The following AGMO variants were observed in gnomAD, a reference collection of about 807,000 sequenced individuals.
The protein encoded by AGMO is alkylglycerol monooxygenase, also known as glyceryl-ether monooxygenase.
In AGMO, 75 loss-of-function variants were observed where a neutral mutation model predicts 60.2. The observed-to-expected ratio is 1.25, with a 90% confidence interval of 1.03 to 1.51. AGMO has a LOEUF of 1.51. Ranked by LOEUF, AGMO falls within the 40% of genes most tolerant of loss-of-function variation. AGMO has a pLI of 0.00. For synonymous variants in AGMO, 261 were observed against 177.1 expected, an observed-to-expected ratio of 1.47 and a Z score of -3.76; for missense variants, 763 against 525.5, an observed-to-expected ratio of 1.45 and a Z score of -4.42.
chr7:15,275,160 T>C (rs1783743120), intron 12 of AGMO, among the ~76,000 whole-genome samples: 1 of 152,156 alleles, frequency 6.6e-6, no homozygotes, highest in South Asian at 2.1e-4. Context: ...AAGATACTTC[T>C]ATCTTTTTAA....
chr7:15,288,487 C>T (rs567067643), intron 12 of AGMO, among the ~76,000 whole-genome samples: 19 of 151,114 alleles, frequency 1.3e-4, no homozygotes, highest in Non-Finnish European at 2.5e-4. Flanking sequence ...TTTTTGTTTC[C>T]CTTAAGTAGG....
the AGMO span, among the ~76,000 whole-genome samples, chr7:15,155,891 T>C: frequency 2.0e-5 from 3 of 152,190 alleles, no homozygotes; most frequent in Non-Finnish European, 2.9e-5. Context: ...TTCTGGATAC[T>C]TTCAGGCAGC....
the AGMO span, among the ~76,000 whole-genome samples, chr7:15,173,468 T>C: frequency 6.6e-6 from 1 of 152,260 alleles, no homozygotes; most frequent in African/African-American, 2.4e-5. Flanking sequence ...ATGAGCAAGA[T>C]CTAGCCCCTG....
intron 12 of AGMO, among the ~76,000 whole-genome samples, chr7:15,302,166 C>T (rs1328223580): frequency 1.3e-5 from 2 of 152,054 alleles, no homozygotes; most frequent in African/African-American, 4.8e-5. Flanking sequence ...TTAATTGGTA[C>T]TTATTAGATT....
At chr7:15,297,486 A>T (rs1033202315) in intron 12 of AGMO, among the ~76,000 whole-genome samples, 1 of 152,208 alleles carries the variant, frequency 6.6e-6, no homozygotes, top group East Asian at 1.9e-4. Flanking sequence ...GTGCTTGCCA[A>T]AACATGCAGA....
chr7:15,360,734 A>C (rs1010294085), intron 12 of AGMO, among the ~76,000 whole-genome samples: 1 of 152,080 alleles, frequency 6.6e-6, no homozygotes, highest in African/African-American at 2.4e-5. Context: ...ATATACATGG[A>C]CCTGTGCATT....
chr7:15,181,533 T>C, the AGMO span, among the ~76,000 whole-genome samples: 1 of 152,188 alleles, frequency 6.6e-6, no homozygotes, highest in Non-Finnish European at 1.5e-5. Context: ...TCCTATTCTA[T>C]TTTTGTTCTA....
At chr7:15,522,767 A>C (rs1784032567) in intron 3 of AGMO, among the ~76,000 whole-genome samples, 1 of 152,194 alleles carries the variant, frequency 6.6e-6, no homozygotes, top group Admixed American at 6.5e-5. Context: ...AGGCAATACC[A>C]TTCTGGACAT....
At chr7:15,194,263 G>A in the AGMO span, among the ~76,000 whole-genome samples, 3 of 152,000 alleles carry the variant, frequency 2.0e-5, 1 homozygote, top group South Asian at 4.1e-4. Flanking sequence ...GATGAAACTG[G>A]TATCTTTTAA....
intron 12 of AGMO, chr7:15,306,373 G>T: frequency 3.0e-6 from 1 of 334,452 alleles, no homozygotes; most frequent in Non-Finnish European, 6.0e-6. Flanking sequence ...AGACCCCTTG[G>T]GGCTTACAAA....
chr7:15,396,456 G>T (rs992362350), intron 5 of AGMO: 3 of 152,230 alleles, frequency 2.0e-5, no homozygotes, highest in African/African-American at 7.2e-5. Flanking sequence ...CACACCTTCC[G>T]GGTGAGCATT....
chr7:15,169,910 G>A, the AGMO span, among the ~76,000 whole-genome samples: 96 of 152,330 alleles, frequency 6.3e-4, no homozygotes, highest in African/African-American at 2.2e-3. Flanking sequence ...GATATGATTA[G>A]GCCTTACCTG....
intron 12 of AGMO, among the ~76,000 whole-genome samples, chr7:15,282,077 A>C (rs1265190360): frequency 6.6e-6 from 1 of 152,132 alleles, no homozygotes; most frequent in African/African-American, 2.4e-5. Context: ...AAAAACAATA[A>C]AATCAAAAAT....
chr7:15,370,430 G>A (rs971218913), intron 10 of AGMO, among the ~76,000 whole-genome samples: 2 of 152,176 alleles, frequency 1.3e-5, no homozygotes, highest in African/African-American at 2.4e-5. Flanking sequence ...GGACTGCTGT[G>A]TCAAATGGTA....
At chr7:15,166,928 G>A in the AGMO span, among the ~76,000 whole-genome samples, 1 of 152,152 alleles carries the variant, frequency 6.6e-6, no homozygotes, top group African/African-American at 2.4e-5. Flanking sequence ...TTTGAGAAAT[G>A]CTGAATTCAA....
At chr7:15,422,510 A>C (rs1182927984) in intron 4 of AGMO, among the ~76,000 whole-genome samples, 1 of 152,176 alleles carries the variant, frequency 6.6e-6, no homozygotes, top group African/African-American at 2.4e-5. Context: ...CATGAGTTTT[A>C]ATTGAAAATG....
intron 12 of AGMO, among the ~76,000 whole-genome samples, chr7:15,215,839 G>T (rs934402606): frequency 6.6e-6 from 1 of 152,018 alleles, no homozygotes; most frequent in Non-Finnish European, 1.5e-5. Context: ...GCAGTATTAT[G>T]ACAATCAGTT....
chr7:15,170,366 GTTTA>G, the AGMO span, among the ~76,000 whole-genome samples: 1 of 63,190 alleles, frequency 1.6e-5, no homozygotes, highest in Admixed American at 2.0e-4. Flanking sequence ...TTTTGTAGTT[GTTTA>G]TTTTTATTAC....
At chr7:15,364,237 T>C (rs1032173796) in intron 12 of AGMO, among the ~76,000 whole-genome samples, 2 of 151,988 alleles carry the variant, frequency 1.3e-5, no homozygotes, top group Admixed American at 1.3e-4. Context: ...AACCACAAAA[T>C]TCACCTTTTC....
Sources: gnomAD v4.1 joint callset for allele counts (sites outside exome capture counted in the v4.1 genomes callset) on GRCh38, gnomAD v4.1.1 for gene constraint, MANE v1.5 for transcripts, NCBI Gene and HGNC (gene_info 2026-07-23, HGNC 2026-07-21) for gene names.